The following GASK1A variants were observed in gnomAD, a reference collection of about 807,000 sequenced individuals.
GASK1A encodes Golgi-associated kinase 1A.
Under a neutral mutation model 41.2 loss-of-function variants are expected in GASK1A, and 40 were observed. That is an observed-to-expected ratio of 0.97 (90% CI 0.75 to 1.27). The LOEUF is 1.27. Among genes scored for constraint, GASK1A ranks in the 50% most tolerant of loss-of-function variants. The pLI is 0.00. For synonymous variants in GASK1A, 316 were observed against 307.1 expected (o/e 1.03, Z -0.30); for missense variants, 678 against 745.1 (o/e 0.91, Z 1.05).
intron 1 of GASK1A, among the ~76,000 whole-genome samples, chr3:43,024,815 G>A (rs1022167932): frequency 6.6e-6 from 1 of 152,218 alleles, no homozygotes; most frequent in Non-Finnish European, 1.5e-5. Flanking sequence ...CATCCATTGA[G>A]CGACAGACAT....
At chr3:43,020,388 T>A (rs1445396171) in intron 1 of GASK1A, among the ~76,000 whole-genome samples, 2 of 152,186 alleles carry the variant, frequency 1.3e-5, no homozygotes, top group African/African-American at 2.4e-5. Context: ...CATACCATCT[T>A]ACTGGGGAAA....
intron 2 of GASK1A, among the ~76,000 whole-genome samples, chr3:43,050,665 G>A (rs2089684775): frequency 6.6e-6 from 1 of 151,808 alleles, no homozygotes; most frequent in Non-Finnish European, 1.5e-5. Context: ...ACACTTGATG[G>A]TGTTACATGG....
Position 43,024,354 on chromosome 3 carries a change from A to G in GASK1A, c.4-7913A>G, listed in dbSNP as rs146408485. 3.5e-4 allele frequency among the ~76,000 whole-genome samples: 54 copies of G among 152,220 alleles called. 2 individuals are homozygous for G. In the East Asian group the frequency reaches 0.01, roughly 29 times the overall value. ...AAACCACAGTAAAGGCTTCAGCTGCATTTGCTCTCGCAATTTGCCTGCCCA... is the reference window on the plus strand; with the variant it reads ...AAACCACAGTAAAGGCTTCAGCTGCGTTTGCTCTCGCAATTTGCCTGCCCA... On this transcript the variant is annotated intron_variant, in intron 1 of 4. Coordinates refer to ENST00000430121, the MANE Select transcript of GASK1A (RefSeq NM_001129908.3).
At chr3:43,022,656 T>G (rs1181867693) in intron 1 of GASK1A, among the ~76,000 whole-genome samples, 1 of 152,230 alleles carries the variant, frequency 6.6e-6, no homozygotes, top group Non-Finnish European at 1.5e-5. Context: ...TTCTCATTTC[T>G]CTAGGTTGTT....
At chr3:42,990,371 C>G (rs966871952) in intron 1 of GASK1A, among the ~76,000 whole-genome samples, 3 of 151,254 alleles carry the variant, frequency 2.0e-5, no homozygotes, top group Non-Finnish European at 2.9e-5. Context: ...AAAAAGGGTC[C>G]CTATGCATAC....
chr3:43,051,522 T>C (rs2089688094), intron 2 of GASK1A, among the ~76,000 whole-genome samples: 1 of 152,222 alleles, frequency 6.6e-6, no homozygotes, highest in Admixed American at 6.5e-5. Context: ...ATGTGCACAG[T>C]CCTACACATG....
At chr3:43,041,384 C>G (rs2125689531) in intron 2 of GASK1A, among the ~76,000 whole-genome samples, 1 of 152,254 alleles carries the variant, frequency 6.6e-6, no homozygotes, top group South Asian at 2.1e-4. Flanking sequence ...TCTCCAGCAC[C>G]CGTTGTTTCC....
chr3:43,040,864 C>A (rs2089632889), intron 2 of GASK1A, among the ~76,000 whole-genome samples: 1 of 86,432 alleles, frequency 1.2e-5, no homozygotes, highest in Non-Finnish European at 2.9e-5. Context: ...GTATATCTCC[C>A]AATGCTATCC....
intron 2 of GASK1A, among the ~76,000 whole-genome samples, chr3:43,033,964 C>T (rs1046446015): frequency 6.6e-6 from 1 of 152,192 alleles, no homozygotes; most frequent in African/African-American, 2.4e-5. Context: ...TGCCACTGCA[C>T]ATCTCTTGAC....
chr3:43,004,797 G>A (rs1044227360), intron 1 of GASK1A, among the ~76,000 whole-genome samples: 1 of 152,314 alleles, frequency 6.6e-6, no homozygotes, highest in Non-Finnish European at 1.5e-5. Context: ...TATTAGCTTC[G>A]TATTGGTGCG....
At chr3:43,006,240 T>C (rs2089435549) in intron 1 of GASK1A, among the ~76,000 whole-genome samples, 1 of 152,188 alleles carries the variant, frequency 6.6e-6, no homozygotes, top group Non-Finnish European at 1.5e-5. Context: ...TGGCTTAGGA[T>C]CCTCCTTTCC....
chr3:43,034,568 A>G (rs1216961666), intron 2 of GASK1A, among the ~76,000 whole-genome samples: 4 of 152,190 alleles, frequency 2.6e-5, no homozygotes, highest in African/African-American at 7.2e-5. Flanking sequence ...TGGACATGGA[A>G]CCAGCCCCCA....
At chr3:42,981,864 G>A (rs555186910) in intron 1 of GASK1A, among the ~76,000 whole-genome samples, 3 of 152,136 alleles carry the variant, frequency 2.0e-5, no homozygotes, top group African/African-American at 7.2e-5. Flanking sequence ...CTCTTTGAGG[G>A]TCCTTCCACA....
At chr3:43,004,178 G>A (rs1322435494) in intron 1 of GASK1A, among the ~76,000 whole-genome samples, 1 of 152,170 alleles carries the variant, frequency 6.6e-6, no homozygotes, top group African/African-American at 2.4e-5. Context: ...TTCCCAAGAT[G>A]AGTTTTTAGT....
intron 2 of GASK1A, among the ~76,000 whole-genome samples, chr3:43,036,888 C>T (rs2089607424): frequency 6.6e-6 from 1 of 152,166 alleles, no homozygotes; most frequent in African/African-American, 2.4e-5. Flanking sequence ...TGATTGTAGC[C>T]TGGGGAAACC....
At chr3:43,015,770 C>A (rs562884768) in intron 1 of GASK1A, among the ~76,000 whole-genome samples, 1 of 147,926 alleles carries the variant, frequency 6.8e-6, no homozygotes, top group South Asian at 2.1e-4. Context: ...AGTGTTAAGT[C>A]ACAGGAAGGG....
At chr3:43,025,889 T>C (rs897068480) in intron 1 of GASK1A, among the ~76,000 whole-genome samples, 2 of 152,194 alleles carry the variant, frequency 1.3e-5, no homozygotes, top group African/African-American at 4.8e-5. Flanking sequence ...ACAAAGAAGA[T>C]GGAAGACAAA....
At chr3:43,032,215 G>A (rs2089578935) in intron 1 of GASK1A, 52 bp from the exon 2 acceptor site, 1 of 1,387,352 alleles carries the variant, frequency 7.2e-7, no homozygotes. Context: ...TTTGTGGGTT[G>A]AGCTGATGTA....
At chr3:42,994,477 G>A (rs1334262814) in intron 1 of GASK1A, among the ~76,000 whole-genome samples, 1 of 152,148 alleles carries the variant, frequency 6.6e-6, no homozygotes, top group African/African-American at 2.4e-5. Context: ...CACATGCATG[G>A]AGGCTCAGCC....
Sources: allele counts gnomAD v4.1 joint callset (sites outside exome capture counted in the v4.1 genomes callset), GRCh38; gene constraint gnomAD v4.1.1; transcripts MANE v1.5; gene names NCBI Gene and HGNC (gene_info 2026-07-23, HGNC 2026-07-21).